CAMK1D: variants seen among roughly 807,000 people sequenced by gnomAD.
CAMK1D encodes calcium/calmodulin dependent protein kinase ID.
In CAMK1D, 9 loss-of-function variants were observed where a neutral mutation model predicts 47.7. The ratio of observed to expected loss-of-function variants is 0.19; its 90% CI spans 0.11 to 0.33. The LOEUF is 0.33. Ranked by LOEUF, CAMK1D falls within the 10% of genes least tolerant of loss-of-function variation. The pLI, the probability that CAMK1D is intolerant of heterozygous loss-of-function variation, is 1.00. For synonymous variants in CAMK1D, 184 were observed against 184.9 expected, an observed-to-expected ratio of 0.99 and a Z score of 0.04; for missense variants, 291 against 488.7, an observed-to-expected ratio of 0.60 and a Z score of 3.81.
chr10:12,785,952 A>ACGGTTTGGCC (rs1276368979), intron 5 of CAMK1D, among the ~76,000 whole-genome samples: 3 of 152,222 alleles, frequency 2.0e-5, no homozygotes, highest in African/African-American at 4.8e-5. Flanking sequence ...GTGGATCTCC[A>ACGGTTTGGCC]CGGTTTGGCC....
intron 3 of CAMK1D, among the ~76,000 whole-genome samples, chr10:12,730,250 C>G (rs1834831027): frequency 6.6e-6 from 1 of 152,044 alleles, no homozygotes; most frequent in African/African-American, 2.4e-5. Flanking sequence ...TTAGCATTCC[C>G]TGGTAGGTTG....
At chr10:12,409,405 T>C (rs1021628208) in intron 1 of CAMK1D, among the ~76,000 whole-genome samples, 3 of 152,208 alleles carry the variant, frequency 2.0e-5, no homozygotes, top group African/African-American at 7.2e-5. Context: ...AGGTGTATGC[T>C]GTTCTAGACA....
At chr10:12,719,347 C>T (rs532714443) in intron 3 of CAMK1D, among the ~76,000 whole-genome samples, 11 of 151,470 alleles carry the variant, frequency 7.3e-5, no homozygotes, top group African/African-American at 2.4e-4. Context: ...GTGGAGGTTG[C>T]AGTGAGCCGA....
Position 12,634,395 on chromosome 10 carries a change from C to T in CAMK1D, c.225-32341C>T, listed in dbSNP as rs144483782. Among the ~76,000 whole-genome samples the T allele has an allele frequency of 1.1e-3, 171 of 152,274 alleles. 1 individual carries two copies. The highest frequency in any genetic ancestry group is 3.9e-3 in the African/African-American group (161 of 41,572). On this transcript the variant is annotated intron_variant, in intron 2 of 10. Coordinates refer to ENST00000619168, the MANE Select transcript of CAMK1D (RefSeq NM_153498.4). ...CCTACAGCAGCTGTTTTCAGCCACA[C>T]CTCTGGGCTCAAGCCATCCTCCTGC...
intron 1 of CAMK1D, among the ~76,000 whole-genome samples, chr10:12,373,100 T>C (rs1009001362): frequency 3.3e-5 from 5 of 152,154 alleles, no homozygotes; most frequent in African/African-American, 1.2e-4. Flanking sequence ...CAGCCGGGGC[T>C]TCAGTGGCAA....
chr10:12,583,999 A>G (rs543481580), intron 2 of CAMK1D, among the ~76,000 whole-genome samples: 27 of 152,178 alleles, frequency 1.8e-4, no homozygotes, highest in African/African-American at 6.3e-4. Flanking sequence ...GCACTCTGGG[A>G]TGGTTTTTAT....
chr10:12,449,789 A>G (rs911955801), intron 1 of CAMK1D, among the ~76,000 whole-genome samples: 1 of 152,192 alleles, frequency 6.6e-6, no homozygotes, highest in African/African-American at 2.4e-5. Flanking sequence ...ACTGGAGGTT[A>G]GGAATTTGAG....
In CAMK1D at chr10:12,694,184, A is replaced by AT. The variant is rs1564498367; in HGVS notation, c.299+27374_299+27375insT. ...ATTATGCATAATATATATTATATAT[A>AT]ATATAATATATATTATATATTATGT... On this transcript the variant is annotated intron_variant, in intron 3 of 10. Coordinates refer to ENST00000619168, the MANE Select transcript of CAMK1D (RefSeq NM_153498.4). Among the ~76,000 whole-genome samples the AT allele has an allele frequency of 3.8e-3, 66 of 17,324 alleles. 7 individuals carry two copies. The highest frequency in any genetic ancestry group is 0.013 in the South Asian group (6 of 448). The allele number at this position is 17,324 out of a possible 152,430, so 11.4% of individuals were successfully genotyped here.
intron 2 of CAMK1D, among the ~76,000 whole-genome samples, chr10:12,628,080 C>CAAAAAAAAAAAAAA (rs1248686635): frequency 1.2e-5 from 1 of 81,516 alleles, no homozygotes. Flanking sequence ...GACTCTGTCT[C>CAAAAAAAAAAAAAA]AAAAAAAAAC....
rs530441694 is a variant in CAMK1D at position 12,499,417 on chromosome 10, G to A, written c.93-53808G>A. On this transcript the variant is annotated intron_variant, in intron 1 of 10. Coordinates refer to ENST00000619168, the MANE Select transcript of CAMK1D (RefSeq NM_153498.4). ...TATTTCATGATTTTCTTACCTTCCA[G>A]TTCCTTCTGAAAAAAAAATCAAATG... Among the ~76,000 whole-genome samples, 52 of 151,840 alleles carry A rather than the reference G, an allele frequency of 3.4e-4. 1 individual carries two copies. The highest frequency in any genetic ancestry group is 1.3e-3 in the African/African-American group (52 of 41,380).
chr10:12,736,541 T>C (rs1418135290), intron 3 of CAMK1D, among the ~76,000 whole-genome samples: 4 of 152,378 alleles, frequency 2.6e-5, no homozygotes, highest in Non-Finnish European at 4.4e-5. Flanking sequence ...AAATAAGATT[T>C]GTGTTTTACA....
intron 5 of CAMK1D, among the ~76,000 whole-genome samples, chr10:12,770,127 G>C (rs1421927117): frequency 1.3e-5 from 2 of 152,200 alleles, no homozygotes; most frequent in Non-Finnish European, 2.9e-5. Flanking sequence ...ATCTGTTTCT[G>C]AGGGATTTAC....
At chr10:12,358,053 C>T (rs1020326881) in intron 1 of CAMK1D, among the ~76,000 whole-genome samples, 1 of 152,024 alleles carries the variant, frequency 6.6e-6, no homozygotes, top group African/African-American at 2.4e-5. Context: ...AATCTTTCAG[C>T]AGGACTTAGA....
intron 5 of CAMK1D, among the ~76,000 whole-genome samples, chr10:12,781,466 ACTCC>A (rs1837488788): frequency 6.6e-6 from 1 of 151,442 alleles, no homozygotes; most frequent in South Asian, 2.1e-4. Context: ...CCCAGCTTCT[ACTCC>A]CTCCCCGTTC....
intron 1 of CAMK1D, among the ~76,000 whole-genome samples, chr10:12,376,792 C>T (rs563467888): frequency 4.0e-4 from 59 of 149,102 alleles, no homozygotes; most frequent in African/African-American, 1.1e-3. Context: ...CTTGCTCTGT[C>T]GCCCAGGCTG....
intron 3 of CAMK1D, among the ~76,000 whole-genome samples, chr10:12,693,044 G>A (rs369918029): frequency 6.6e-6 from 1 of 152,104 alleles, no homozygotes; most frequent in Non-Finnish European, 1.5e-5. Flanking sequence ...ATGTGGGTGG[G>A]CCTAATCCTA....
intron 2 of CAMK1D, among the ~76,000 whole-genome samples, chr10:12,629,757 T>C (rs1010706763): frequency 1.3e-5 from 2 of 152,250 alleles, no homozygotes; most frequent in African/African-American, 2.4e-5. Flanking sequence ...GCTCAAGCCA[T>C]TGTTTCCTCG....
chr10:12,719,410 GAA>G (rs796233580), intron 3 of CAMK1D, among the ~76,000 whole-genome samples: 2 of 110,286 alleles, frequency 1.8e-5, no homozygotes, highest in Admixed American at 9.3e-5. Context: ...TGTGCCTCAG[GAA>G]AAAAAAAAAG....
chr10:12,366,157 G>A (rs1045253894), intron 1 of CAMK1D, among the ~76,000 whole-genome samples: 2 of 152,234 alleles, frequency 1.3e-5, no homozygotes, highest in African/African-American at 4.8e-5. Flanking sequence ...TGGGTCATAT[G>A]TTGATCTTGA....
Sources: allele counts gnomAD v4.1 joint callset (sites outside exome capture counted in the v4.1 genomes callset), GRCh38; gene constraint gnomAD v4.1.1; transcripts MANE v1.5; gene names NCBI Gene and HGNC (gene_info 2026-07-23, HGNC 2026-07-21).